Variants in ADGRV1 observed in about 807,000 individuals in gnomAD.
The protein encoded by ADGRV1 is adhesion G protein-coupled receptor V1, also known as G-protein coupled receptor 98.
ADGRV1 carries 359 observed loss-of-function variants against 596.2 expected under a neutral mutation model. The ratio of observed to expected loss-of-function variants is 0.60; its 90% CI spans 0.55 to 0.66. The LOEUF is 0.66. Ranked by LOEUF, ADGRV1 falls within the 30% of genes least tolerant of loss-of-function variation. ADGRV1 has a pLI of 0.00. For synonymous variants in ADGRV1, 2,681 were observed against 2,679.2 expected (o/e 1.00, Z -0.02); for missense variants, 7,274 against 7,575.6 (o/e 0.96, Z 1.48).
intron 57 of ADGRV1, among the ~76,000 whole-genome samples, chr5:90,757,825 A>G (rs527522921): frequency 2.0e-5 from 3 of 152,346 alleles, no homozygotes. Context: ...ATGAACAACC[A>G]TGAAAATGTT....
In ADGRV1 at chr5:90,663,791, A is replaced by C. The variant is rs1770813910; in HGVS notation, c.4752+5513A>C. ...ATCCATCTTGAATTGATTTTTGTAT[A>C]AGGTGTAAGGAAGGGATCCAGTTTC... On this transcript the variant is annotated intron_variant, in intron 21 of 89. Transcript: ENST00000405460. 5.3e-5 allele frequency among the ~76,000 whole-genome samples: 8 copies of C among 151,982 alleles called. No individual in the cohort carries two copies. The South Asian group carries it at 1.7e-3, about 32-fold the overall frequency.
At chr5:90,663,840 A>G (rs370849639) in intron 21 of ADGRV1, among the ~76,000 whole-genome samples, 11 of 151,518 alleles carry the variant, frequency 7.3e-5, no homozygotes, top group South Asian at 2.1e-4. Flanking sequence ...TGGCTAGCCA[A>G]TTTTCCCAGC....
intron 34 of ADGRV1, among the ~76,000 whole-genome samples, chr5:90,698,136 A>T (rs1343804861): frequency 1.3e-5 from 2 of 152,188 alleles, no homozygotes; most frequent in Non-Finnish European, 2.9e-5. Flanking sequence ...GCATGTTGTC[A>T]TAGCAGTAAT....
In ADGRV1 at chr5:90,692,685, C is replaced by T. The variant is rs368624607; in HGVS notation, c.7032C>T (p.Ala2344=). 2 of 1,610,784 alleles carry T rather than the reference C, an allele frequency of 1.2e-6. No individual in the cohort carries two copies. The highest frequency in any genetic ancestry group is 1.7e-6 in the Non-Finnish European group (2 of 1,178,498). ...LDRIANIIIP[A]NDDPYGTVAF... is the part of the protein sequence containing the mutation. Reference sequence around the variant, plus strand: ...GAATTGCAAATATTATTATTCCTGCCAATGATGATCCTTATGGTACAGTAG... The same window carrying T: ...GAATTGCAAATATTATTATTCCTGCTAATGATGATCCTTATGGTACAGTAG... The change falls in exon 32 of 90, where the codon GCC becomes GCT. Residue 2344 remains alanine, a synonymous_variant. Coordinates refer to ENST00000405460, the MANE Select transcript of ADGRV1 (RefSeq NM_032119.4).
chr5:90,666,542 C>G (rs1771428832), intron 21 of ADGRV1, among the ~76,000 whole-genome samples: 1 of 111,148 alleles, frequency 9.0e-6, no homozygotes, highest in Non-Finnish European at 1.8e-5. Context: ...GAATACAGCA[C>G]ACTGATGGGT....
chr5:90,605,812 T>C (rs1762049081), intron 1 of ADGRV1, among the ~76,000 whole-genome samples: 1 of 152,092 alleles, frequency 6.6e-6, no homozygotes, highest in Admixed American at 6.5e-5. Context: ...TAAGGTAAGG[T>C]TTCTGGGTGA....
intron 1 of ADGRV1, among the ~76,000 whole-genome samples, chr5:90,603,475 C>G (rs750966686): frequency 1.2e-4 from 19 of 152,090 alleles, no homozygotes; most frequent in Non-Finnish European, 2.6e-4. Flanking sequence ...GATTGAAGGT[C>G]TACAGCCTAG....
intron 89 of ADGRV1, among the ~76,000 whole-genome samples, chr5:91,156,274 GAGA>G (rs1182683090): frequency 2.6e-5 from 4 of 152,172 alleles, no homozygotes; most frequent in African/African-American, 9.7e-5. Flanking sequence ...GAAGTCAGGG[GAGA>G]AGAAGGAAGG....
chr5:90,627,805 C>T (rs1764972382), intron 7 of ADGRV1, 29 bp downstream of exon 7: 1 of 1,285,682 alleles, frequency 7.8e-7, no homozygotes. Flanking sequence ...ATATTGCTAC[C>T]ATTATTTTAT....
intron 83 of ADGRV1, among the ~76,000 whole-genome samples, chr5:90,912,741 A>G (rs1439732816): frequency 6.6e-6 from 1 of 152,192 alleles, no homozygotes; most frequent in Non-Finnish European, 1.5e-5. Flanking sequence ...CCTGGAAAGG[A>G]CATGACTTTG....
At chr5:91,109,768 G>A (rs1391984700) in intron 87 of ADGRV1, among the ~76,000 whole-genome samples, 2 of 152,188 alleles carry the variant, frequency 1.3e-5, no homozygotes, top group Non-Finnish European at 2.9e-5. Flanking sequence ...GTCATGAACA[G>A]CATCCAATAA....
intron 83 of ADGRV1, among the ~76,000 whole-genome samples, chr5:90,886,003 C>G (rs186790697): frequency 1.3e-5 from 2 of 152,144 alleles, no homozygotes; most frequent in Non-Finnish European, 2.9e-5. Flanking sequence ...GAATACTAAT[C>G]CCGTGATGTC....
At chr5:90,913,578 G>A (rs1251286603) in intron 83 of ADGRV1, among the ~76,000 whole-genome samples, 9 of 152,216 alleles carry the variant, frequency 5.9e-5, no homozygotes, top group Middle Eastern at 3.4e-3. Flanking sequence ...TGTTTTAAAT[G>A]TCTGAGTTTT....
intron 1 of ADGRV1, among the ~76,000 whole-genome samples, chr5:90,594,934 T>C (rs1341444568): frequency 5.3e-5 from 8 of 149,630 alleles, no homozygotes; most frequent in Admixed American, 2.0e-4. Context: ...TTTCCCCACC[T>C]TTCCCCCCTT....
chr5:90,746,716 T>A (rs1580982345), intron 52 of ADGRV1, among the ~76,000 whole-genome samples: 1 of 152,326 alleles, frequency 6.6e-6, no homozygotes, highest in East Asian at 1.9e-4. Flanking sequence ...GAGAGATATT[T>A]TATGAGATTC....
rs761267217 is a variant in ADGRV1, at chr5:90,711,059, G to A, written c.8903G>A (p.Arg2968Lys). ...ARGVIEWQQSRFEVNETHGSL... is the reference protein window; with the variant it reads ...ARGVIEWQQSKFEVNETHGSL... ...GGTGTAATTGAATGGCAACAAAGCA[G>A]GTAAGGCCAAGGCTGCATGAGAGCC... The change falls in exon 40 of 90, where the codon AGG becomes AAG. Residue 2968 changes from arginine to lysine, a missense_variant and splice_region_variant. Physicochemically the swap from Arg to Lys is conservative, Grantham distance 26 (BLOSUM62 2). Transcript: ENST00000405460. 1.2e-6 allele frequency: 2 copies of A among 1,608,296 alleles called. No individual in the cohort carries two copies. The highest frequency in any genetic ancestry group is 2.2e-5 in the South Asian group (2 of 89,930).
intron 11 of ADGRV1, among the ~76,000 whole-genome samples, chr5:90,641,607 A>G (rs1766980553): frequency 6.6e-6 from 1 of 152,206 alleles, no homozygotes; most frequent in Non-Finnish European, 1.5e-5. Context: ...GGCCACTAGC[A>G]TGCTAAGTAT....
intron 46 of ADGRV1, 34 bp from the exon 47 acceptor site, chr5:90,725,052 A>G (rs752016882): frequency 2.6e-6 from 4 of 1,527,232 alleles, no homozygotes; most frequent in Non-Finnish European, 1.8e-6. Context: ...TAGATGTATA[A>G]TGAATAACTG....
At chr5:90,790,494 A>G (rs1200649617) in intron 69 of ADGRV1, among the ~76,000 whole-genome samples, 4 of 152,206 alleles carry the variant, frequency 2.6e-5, no homozygotes, top group African/African-American at 9.6e-5. Context: ...TTTTTATTAA[A>G]AACAAACAAA....
Sources: allele counts gnomAD v4.1 joint callset (sites outside exome capture counted in the v4.1 genomes callset), GRCh38; gene constraint gnomAD v4.1.1; transcripts MANE v1.5; gene names NCBI Gene and HGNC (gene_info 2026-07-23, HGNC 2026-07-21).